The following PRLR variants were observed in gnomAD, a reference collection of about 807,000 sequenced individuals.
PRLR encodes prolactin receptor.
In PRLR, 13 loss-of-function variants were observed where a neutral mutation model predicts 40.2. The observed-to-expected ratio is 0.32, with a 90% confidence interval of 0.21 to 0.51. PRLR has a LOEUF of 0.51. PRLR is among the 20% of genes least tolerant of loss of function. The probability of loss-of-function intolerance (pLI) is 0.97; values close to 1 mark genes in which losing one functional copy is unlikely to be tolerated. For synonymous variants in PRLR, 269 were observed against 278.7 expected, an observed-to-expected ratio of 0.97 and a Z score of 0.35; for missense variants, 656 against 747.3, an observed-to-expected ratio of 0.88 and a Z score of 1.42.
intron 1 of PRLR, among the ~76,000 whole-genome samples, chr5:35,168,000 T>G (rs1171840748): frequency 3.3e-5 from 5 of 151,718 alleles, no homozygotes; most frequent in Non-Finnish European, 7.4e-5. Context: ...ACCAAGAAGG[T>G]TGAAAATAAA....
chr5:35,177,993 T>A (rs1775193306), intron 1 of PRLR, among the ~76,000 whole-genome samples: 1 of 152,170 alleles, frequency 6.6e-6, no homozygotes, highest in Non-Finnish European at 1.5e-5. Context: ...CTTTTTTTTT[T>A]TTAATCATAG....
At chr5:35,213,121 T>C (rs1290182175) in intron 1 of PRLR, among the ~76,000 whole-genome samples, 2 of 152,192 alleles carry the variant, frequency 1.3e-5, no homozygotes, top group African/African-American at 4.8e-5. Flanking sequence ...ATATCCTATC[T>C]AAAATTCATT....
At chr5:35,214,298 T>C (rs1776234697) in intron 1 of PRLR, among the ~76,000 whole-genome samples, 1 of 152,188 alleles carries the variant, frequency 6.6e-6, no homozygotes. Flanking sequence ...CAGATAGTAT[T>C]TGGCAAGGAC....
intron 1 of PRLR, among the ~76,000 whole-genome samples, chr5:35,153,549 A>G (rs1774398631): frequency 6.6e-6 from 1 of 152,210 alleles, no homozygotes; most frequent in Admixed American, 6.5e-5. Context: ...AATGATTGGT[A>G]TTATATAACA....
chr5:35,158,386 A>G (rs1774572385), intron 1 of PRLR, among the ~76,000 whole-genome samples: 1 of 152,174 alleles, frequency 6.6e-6, no homozygotes, highest in East Asian at 1.9e-4. Context: ...TCTAGAGATA[A>G]CTGATGATTC....
At chr5:35,175,166 C>T (rs764992559) in intron 1 of PRLR, among the ~76,000 whole-genome samples, 15 of 152,068 alleles carry the variant, frequency 9.9e-5, no homozygotes, top group Non-Finnish European at 1.8e-4. Context: ...CCCCATAATG[C>T]GCACGTGTTG....
chr5:35,230,336 T>C lies in PRLR; in HGVS notation c.-174A>G, dbSNP rs995328934. The C allele has an allele frequency of 3.4e-4, 51 of 152,218 alleles. No individual in the cohort carries two copies. Among genetic ancestry groups the C allele is most frequent in the African/African-American group, 1.1e-3 (45 of 41,436 alleles). 9.4% of individuals were successfully genotyped at this position (152,218 alleles called of 1,614,324 possible). On this transcript the variant is annotated 5_prime_UTR_variant, in exon 1 of 10. The change abolishes an upstream ATG in the 5' untranslated region. Coordinates refer to ENST00000618457, the MANE Select transcript of PRLR (RefSeq NM_000949.7). ...TCCTGCACGAGGACATGAAGCTCCATTGTGTGGAAAGCTGTTTCGCGAACG... is the reference window on the plus strand; with the variant it reads ...TCCTGCACGAGGACATGAAGCTCCACTGTGTGGAAAGCTGTTTCGCGAACG...
chr5:35,064,713 T>C lies in PRLR; in HGVS notation c.*376A>G, dbSNP rs529348491. On this transcript the variant is annotated 3_prime_UTR_variant, in exon 10 of 10. Coordinates refer to ENST00000618457, the MANE Select transcript of PRLR (RefSeq NM_000949.7). Reference sequence around the variant, plus strand: ...TTTTCCTATGTGGAAAATTTTCTTTTGTCATCTTTCTATGGTAAACAATTT... The same window carrying C: ...TTTTCCTATGTGGAAAATTTTCTTTCGTCATCTTTCTATGGTAAACAATTT... 1 of 167,558 alleles carries C rather than the reference T, an allele frequency of 6.0e-6. No homozygotes were observed. The highest frequency in any genetic ancestry group is 5.8e-5 in the Admixed American group (1 of 17,140). 10.4% of individuals were successfully genotyped at this position (167,558 alleles called of 1,614,324 possible).
intron 2 of PRLR, among the ~76,000 whole-genome samples, chr5:35,100,413 C>G (rs1295910856): frequency 6.6e-6 from 1 of 152,152 alleles, no homozygotes; most frequent in Non-Finnish European, 1.5e-5. Context: ...GTCCTGCAAG[C>G]TTTATTCATG....
chr5:35,137,097 T>A (rs1191748788), intron 1 of PRLR, among the ~76,000 whole-genome samples: 1 of 152,118 alleles, frequency 6.6e-6, no homozygotes, highest in Non-Finnish European at 1.5e-5. Context: ...TCAGCAAACG[T>A]TTACTGAGGG....
intron 1 of PRLR, among the ~76,000 whole-genome samples, chr5:35,118,783 A>C (rs1773163024): frequency 6.6e-6 from 1 of 151,646 alleles, no homozygotes; most frequent in African/African-American, 2.4e-5. Context: ...CAACTGTTAG[A>C]GGTATGGATC....
chr5:35,129,988 C>G (rs1232268376), intron 1 of PRLR, among the ~76,000 whole-genome samples: 2 of 152,130 alleles, frequency 1.3e-5, no homozygotes, highest in African/African-American at 4.8e-5. Flanking sequence ...ATGCTTGCTT[C>G]CGAATGCAGA....
intron 1 of PRLR, among the ~76,000 whole-genome samples, chr5:35,210,908 C>A (rs558964758): frequency 2.0e-5 from 3 of 152,112 alleles, no homozygotes; most frequent in African/African-American, 7.2e-5. Flanking sequence ...GACAGCATTT[C>A]GCTATGTTGC....
chr5:35,180,621 A>C (rs1424479493), intron 1 of PRLR, among the ~76,000 whole-genome samples: 1 of 151,792 alleles, frequency 6.6e-6, no homozygotes, highest in African/African-American at 2.4e-5. Flanking sequence ...ATTCTAGGGT[A>C]CATCTGCACA....
At chr5:35,184,982 G>A (rs1775387169) in intron 1 of PRLR, among the ~76,000 whole-genome samples, 1 of 152,214 alleles carries the variant, frequency 6.6e-6, no homozygotes. Context: ...CTAGATTATA[G>A]CAACAAAGGA....
At chr5:35,179,546 C>T (rs75017552) in intron 1 of PRLR, among the ~76,000 whole-genome samples, 2 of 152,216 alleles carry the variant, frequency 1.3e-5, no homozygotes, top group Admixed American at 6.5e-5. Context: ...TGCCTCATTG[C>T]GAGTGCTCAG....
intron 1 of PRLR, among the ~76,000 whole-genome samples, chr5:35,200,892 C>A (rs778830808): frequency 2.6e-5 from 4 of 152,136 alleles, no homozygotes; most frequent in Non-Finnish European, 4.4e-5. Context: ...GAATTCAAAC[C>A]CAGATCTTTC....
At chr5:35,186,204 C>T (rs920060571) in intron 1 of PRLR, among the ~76,000 whole-genome samples, 1 of 152,022 alleles carries the variant, frequency 6.6e-6, no homozygotes, top group African/African-American at 2.4e-5. Flanking sequence ...ATTGAAAGGA[C>T]AATATTTGGG....
intron 1 of PRLR, among the ~76,000 whole-genome samples, chr5:35,185,857 C>T (rs950376467): frequency 1.3e-5 from 2 of 152,158 alleles, no homozygotes; most frequent in Admixed American, 6.5e-5. Flanking sequence ...TATTCTGTGG[C>T]GTCTCTTTCT....
Sources: allele counts gnomAD v4.1 joint callset (sites outside exome capture counted in the v4.1 genomes callset), GRCh38; gene constraint gnomAD v4.1.1; transcripts MANE v1.5; gene names NCBI Gene and HGNC (gene_info 2026-07-23, HGNC 2026-07-21).